ELP3: variants seen among roughly 807,000 people sequenced by gnomAD.
ELP3 encodes elongator complex protein 3.
Under a neutral mutation model 74.9 loss-of-function variants are expected in ELP3, and 56 were observed. The ratio of observed to expected loss-of-function variants is 0.75; its 90% CI spans 0.60 to 0.93. ELP3 has a LOEUF of 0.93. ELP3 is among the 40% of genes least tolerant of loss of function. The pLI is 0.00. For missense variants in ELP3, 573 were observed against 686.5 expected (o/e 0.83, Z 1.85); for synonymous variants, 222 against 239.8 (o/e 0.93, Z 0.68).
intron 7 of ELP3, among the ~76,000 whole-genome samples, chr8:28,118,339 A>C (rs888882482): frequency 1.3e-5 from 2 of 152,114 alleles, no homozygotes; most frequent in African/African-American, 2.4e-5. Context: ...AAAGAATAGG[A>C]GTTAAGGTAA....
chr8:28,100,447 C>T (rs1811431946), intron 3 of ELP3, among the ~76,000 whole-genome samples: 1 of 152,208 alleles, frequency 6.6e-6, no homozygotes. Flanking sequence ...CCAAGAAGAG[C>T]AGGCTCTAAG....
chr8:28,161,189 TC>T (rs970685110), intron 13 of ELP3, among the ~76,000 whole-genome samples: 2 of 152,182 alleles, frequency 1.3e-5, no homozygotes, highest in African/African-American at 4.8e-5. Flanking sequence ...TTTAAAAATT[TC>T]CAGAAAATGT....
chr8:28,092,582 G>A (rs1012283391), upstream of ELP3, among the ~76,000 whole-genome samples: 4 of 152,146 alleles, frequency 2.6e-5, no homozygotes, highest in Non-Finnish European at 1.5e-5. Context: ...GTCCCGAGAT[G>A]TTATTTTCCT....
intron 7 of ELP3, among the ~76,000 whole-genome samples, chr8:28,115,141 C>T (rs748677531): frequency 6.6e-6 from 1 of 152,028 alleles, no homozygotes; most frequent in African/African-American, 2.4e-5. Context: ...GGGAGAAAAT[C>T]AAGAGTTCTG....
At chr8:28,139,805 C>G (rs942528713) in intron 10 of ELP3, among the ~76,000 whole-genome samples, 1 of 152,062 alleles carries the variant, frequency 6.6e-6, no homozygotes, top group Non-Finnish European at 1.5e-5. Flanking sequence ...AATGGCCAGA[C>G]GTGGTGGCAG....
At chr8:28,155,166 G>A (rs990457772) in intron 10 of ELP3, among the ~76,000 whole-genome samples, 22 of 152,298 alleles carry the variant, frequency 1.4e-4, no homozygotes, top group Middle Eastern at 3.4e-3. Flanking sequence ...AACCACATAG[G>A]AGACAAAACA....
chr8:28,186,881 A>G (rs998177410), intron 14 of ELP3, among the ~76,000 whole-genome samples: 1 of 152,212 alleles, frequency 6.6e-6, no homozygotes, highest in Non-Finnish European at 1.5e-5. Context: ...AAGTTTCAAC[A>G]TGAGTTTCAG....
chr8:28,175,992 T>C (rs995038464), intron 14 of ELP3, among the ~76,000 whole-genome samples: 6 of 152,008 alleles, frequency 3.9e-5, no homozygotes, highest in African/African-American at 1.2e-4. Context: ...TTTTTTTGTA[T>C]TTTTATTAGA....
intron 8 of ELP3, among the ~76,000 whole-genome samples, chr8:28,130,137 A>T (rs2130458142): frequency 6.6e-6 from 1 of 152,328 alleles, no homozygotes; most frequent in East Asian, 1.9e-4. Context: ...AGGAAGTAAG[A>T]GTTGTTAGAG....
intron 7 of ELP3, among the ~76,000 whole-genome samples, chr8:28,121,337 T>G (rs1467057379): frequency 6.7e-6 from 1 of 150,326 alleles, no homozygotes; most frequent in Non-Finnish European, 1.5e-5. Context: ...TTTTTTTTTT[T>G]GAATCGGAGT....
chr8:28,176,657 G>A (rs937499473), intron 14 of ELP3, among the ~76,000 whole-genome samples: 1 of 151,990 alleles, frequency 6.6e-6, no homozygotes, highest in South Asian at 2.1e-4. Context: ...TTTAGCAGAA[G>A]GATGAATCTC....
At chr8:28,183,325 A>G in intron 14 of ELP3, 3 of 437,248 alleles carry the variant, frequency 6.9e-6, no homozygotes, top group East Asian at 7.0e-5. Flanking sequence ...TAAAATATTT[A>G]TCCTGCCTAC....
At chr8:28,185,640 G>C (rs550967840) in intron 14 of ELP3, among the ~76,000 whole-genome samples, 1 of 152,276 alleles carries the variant, frequency 6.6e-6, no homozygotes, top group Non-Finnish European at 1.5e-5. Context: ...GTCTCCTGGT[G>C]GGGGATGAGT....
chr8:28,160,655 A>G (rs976985052), intron 13 of ELP3, among the ~76,000 whole-genome samples, 199 bp downstream of exon 13: 2 of 152,182 alleles, frequency 1.3e-5, no homozygotes, highest in African/African-American at 4.8e-5. Flanking sequence ...GAAAGGATAA[A>G]CTGAGATTCA....
intron 7 of ELP3, among the ~76,000 whole-genome samples, chr8:28,122,283 T>C (rs1244919494): frequency 6.6e-6 from 1 of 152,228 alleles, no homozygotes; most frequent in Non-Finnish European, 1.5e-5. Flanking sequence ...AGGTATTCGT[T>C]GTTGGTATTA....
At chr8:28,098,814 C>A (rs2130349819) in intron 2 of ELP3, among the ~76,000 whole-genome samples, 1 of 152,296 alleles carries the variant, frequency 6.6e-6, no homozygotes, top group Admixed American at 6.5e-5. Flanking sequence ...CCCTCCATGT[C>A]ATCTTTGTGT....
chr8:28,091,468 T>C (rs1435402004), upstream of ELP3, among the ~76,000 whole-genome samples: 3 of 152,194 alleles, frequency 2.0e-5, no homozygotes, highest in Non-Finnish European at 4.4e-5. Flanking sequence ...GTCAGACAAA[T>C]ACCACTGAAC....
chr8:28,129,928 T>C (rs1237690524), intron 8 of ELP3, among the ~76,000 whole-genome samples: 1 of 152,072 alleles, frequency 6.6e-6, no homozygotes, highest in Non-Finnish European at 1.5e-5. Flanking sequence ...GCCTTGTCCA[T>C]ATAGAGAGCA....
At chr8:28,148,286 G>A (rs964950962) in intron 10 of ELP3, among the ~76,000 whole-genome samples, 1 of 152,170 alleles carries the variant, frequency 6.6e-6, no homozygotes, top group Non-Finnish European at 1.5e-5. Context: ...GAGGAACAGG[G>A]TGTTGTCATG....
Sources: allele counts gnomAD v4.1 joint callset (sites outside exome capture counted in the v4.1 genomes callset), GRCh38; gene constraint gnomAD v4.1.1; transcripts MANE v1.5; gene names NCBI Gene and HGNC (gene_info 2026-07-23, HGNC 2026-07-21).